Variants in CACNA2D3 observed in about 807,000 individuals in gnomAD.
CACNA2D3 encodes voltage-dependent calcium channel subunit alpha-2/delta-3.
Under a neutral mutation model 160.6 loss-of-function variants are expected in CACNA2D3, and 60 were observed. The observed-to-expected ratio is 0.37, with a 90% CI of 0.30 to 0.46. The LOEUF is 0.46. Among genes scored for constraint, CACNA2D3 ranks in the 20% least tolerant of loss-of-function variants. CACNA2D3 has a pLI of 1.00. For synonymous variants in CACNA2D3, 558 were observed against 492.9 expected, an observed-to-expected ratio of 1.13 and a Z score of -1.75; for missense variants, 1,205 against 1,365.0, an observed-to-expected ratio of 0.88 and a Z score of 1.85.
At position 54,581,654 on chromosome 3, in the gene CACNA2D3, G is replaced by A. The variant is rs1331740271; in HGVS notation, c.889-149G>A. The A allele has an allele frequency of 7.5e-6, 5 of 669,150 alleles. No homozygotes were observed. In the Admixed American group the frequency reaches 1.3e-4, roughly 18 times the overall value. The allele number at this position is 669,150 out of a possible 1,614,324, so 41.5% of individuals were successfully genotyped here. On this transcript the variant is annotated intron_variant, in intron 8 of 37. Transcript: ENST00000474759. ...AGCACATAATCATAGTTGTCTAGAG[G>A]GACACCCATGAGAGAGTTCACCTTA...
intron 14 of CACNA2D3, among the ~76,000 whole-genome samples, chr3:54,824,450 C>T (rs563735496): frequency 6.6e-6 from 1 of 152,278 alleles, no homozygotes; most frequent in Admixed American, 6.5e-5. Flanking sequence ...TGACATCTGC[C>T]CAACTTGCTA....
intron 29 of CACNA2D3, among the ~76,000 whole-genome samples, chr3:54,974,962 A>C (rs535380228): frequency 6.6e-6 from 1 of 152,192 alleles, no homozygotes; most frequent in Non-Finnish European, 1.5e-5. Context: ...GGCCATATGG[A>C]GAAGGGAATT....
At chr3:54,593,109 A>G (rs1056161604) in intron 9 of CACNA2D3, among the ~76,000 whole-genome samples, 1 of 152,152 alleles carries the variant, frequency 6.6e-6, no homozygotes, top group East Asian at 1.9e-4. Context: ...TTCAATTCAA[A>G]ACTAATAAAA....
intron 11 of CACNA2D3, among the ~76,000 whole-genome samples, chr3:54,701,782 A>G (rs573573063): frequency 3.3e-4 from 51 of 152,334 alleles, no homozygotes; most frequent in South Asian, 6.2e-4. Flanking sequence ...GAGTCTGAAT[A>G]GCCAAAGCAA....
At chr3:54,377,122 A>G (rs1177843642) in intron 3 of CACNA2D3, among the ~76,000 whole-genome samples, 1 of 152,238 alleles carries the variant, frequency 6.6e-6, no homozygotes, top group African/African-American at 2.4e-5. Context: ...CATCTGTCAC[A>G]GGAGCTTGCT....
At chr3:54,958,728 T>C (rs113711697) in intron 27 of CACNA2D3, among the ~76,000 whole-genome samples, 5 of 152,334 alleles carry the variant, frequency 3.3e-5, no homozygotes, top group African/African-American at 1.2e-4. Flanking sequence ...GGGCTAAGTA[T>C]GCAACAGAGA....
chr3:54,135,023 C>T (rs1004068844), intron 2 of CACNA2D3, among the ~76,000 whole-genome samples: 1 of 152,234 alleles, frequency 6.6e-6, no homozygotes, highest in Non-Finnish European at 1.5e-5. Context: ...GCAGCTAATT[C>T]CATAAAGCGC....
chr3:54,372,190 C>T (rs1328798559), intron 3 of CACNA2D3, among the ~76,000 whole-genome samples: 1 of 152,206 alleles, frequency 6.6e-6, no homozygotes, highest in Non-Finnish European at 1.5e-5. Context: ...ACTTAAAAGC[C>T]ACTAAAGTTC....
In CACNA2D3 at chr3:55,023,217, G is replaced by A. The variant is rs182019555; in HGVS notation, c.2987+4900G>A. ...TTGTAGGTAGTCTGACCTCTCCCCC[G>A]TTTCGGATGGCTTTTACAGTGTTCA... On this transcript the variant is annotated intron_variant, in intron 35 of 37. Coordinates refer to ENST00000474759, the MANE Select transcript of CACNA2D3 (RefSeq NM_018398.3). Among the ~76,000 whole-genome samples, 57 of 152,112 alleles carry A rather than the reference G, an allele frequency of 3.7e-4. 1 individual carries two copies. The Middle Eastern group carries it at 0.02, about 54-fold the overall frequency.
chr3:54,443,697 T>A (rs1003586984), intron 4 of CACNA2D3, among the ~76,000 whole-genome samples: 4 of 152,168 alleles, frequency 2.6e-5, no homozygotes, highest in African/African-American at 7.2e-5. Flanking sequence ...CCTTCCTCAC[T>A]GGGTCGGCTA....
chr3:54,171,136 C>CTTTTTTTTTTTTT (rs57761171), intron 2 of CACNA2D3, among the ~76,000 whole-genome samples: 655 of 62,530 alleles, frequency 0.01, 152 homozygotes, highest in African/African-American at 0.011. Context: ...AAGATGATGA[C>CTTTTTTTTTTTTT]TTTTTTTTTT....
intron 2 of CACNA2D3, among the ~76,000 whole-genome samples, chr3:54,293,464 A>G (rs765055229): frequency 5.3e-5 from 8 of 152,034 alleles, no homozygotes; most frequent in Non-Finnish European, 1.0e-4. Context: ...TTGGTTTTCT[A>G]TTCCTGAGTT....
chr3:54,218,825 C>T (rs1701512505), intron 2 of CACNA2D3, among the ~76,000 whole-genome samples: 1 of 152,148 alleles, frequency 6.6e-6, no homozygotes, highest in East Asian at 1.9e-4. Flanking sequence ...GGCTTGTGGT[C>T]TCTTCCAGCG....
chr3:55,043,086 A>G (rs1703992237), intron 35 of CACNA2D3, among the ~76,000 whole-genome samples: 1 of 152,178 alleles, frequency 6.6e-6, no homozygotes, highest in Admixed American at 6.5e-5. Context: ...AGGTGTTTGT[A>G]TGAACATAAG....
intron 11 of CACNA2D3, among the ~76,000 whole-genome samples, chr3:54,725,536 C>T (rs1701260060): frequency 6.6e-6 from 1 of 152,196 alleles, no homozygotes; most frequent in South Asian, 2.1e-4. Flanking sequence ...CAAACCAAAT[C>T]TAGCAGCATA....
chr3:54,764,345 C>T lies in CACNA2D3; in HGVS notation c.1374C>T (p.Asp458=), dbSNP rs1702178476. The change falls in exon 13 of 38, where the codon GAC becomes GAT. Residue 458 remains aspartate, a synonymous_variant. Coordinates refer to ENST00000474759, the MANE Select transcript of CACNA2D3 (RefSeq NM_018398.3). ...HDVVWTEAYI[D]STLPQAQKLT... The stretch of plus-strand genomic sequence containing the variant: ...TGGTGTGGACCGAAGCTTACATTGA[C>T]AGCACTGTGAGTCCACGGGGCCCTG... The T allele has an allele frequency of 3.1e-6, 5 of 1,613,784 alleles. No homozygotes were observed. The highest frequency in any genetic ancestry group is 1.3e-5 in the African/African-American group (1 of 75,018).
chr3:54,775,164 A>G (rs1211508142), intron 13 of CACNA2D3, among the ~76,000 whole-genome samples: 2 of 152,220 alleles, frequency 1.3e-5, no homozygotes, highest in Admixed American at 6.5e-5. Flanking sequence ...AATGGCCTCA[A>G]TCTCACAGAG....
intron 9 of CACNA2D3, among the ~76,000 whole-genome samples, chr3:54,593,200 A>T (rs1702893647): frequency 6.6e-6 from 1 of 152,190 alleles, no homozygotes; most frequent in African/African-American, 2.4e-5. Context: ...AGAACAACCT[A>T]CATGTAAATA....
At chr3:54,322,368 C>A (rs1447547988) in intron 3 of CACNA2D3, among the ~76,000 whole-genome samples, 2 of 152,250 alleles carry the variant, frequency 1.3e-5, no homozygotes, top group South Asian at 2.1e-4. Context: ...TTAATAAATA[C>A]GTGCTTACAC....
Sources: gnomAD v4.1 joint callset for allele counts (sites outside exome capture counted in the v4.1 genomes callset) on GRCh38, gnomAD v4.1.1 for gene constraint, MANE v1.5 for transcripts, NCBI Gene and HGNC (gene_info 2026-07-23, HGNC 2026-07-21) for gene names.